Variants in LRRTM3 observed in about 807,000 individuals in gnomAD.
LRRTM3 encodes leucine rich repeat transmembrane neuronal 3, also known as leucine-rich repeat transmembrane neuronal protein 3.
Under a neutral mutation model 44.7 loss-of-function variants are expected in LRRTM3, and 24 were observed. The ratio of observed to expected loss-of-function variants is 0.54; its 90% confidence interval spans 0.39 to 0.76. LRRTM3 has a LOEUF of 0.76. Ranked by LOEUF, LRRTM3 falls within the 30% of genes least tolerant of loss-of-function variation. LRRTM3 has a pLI of 0.00. For missense variants in LRRTM3, 587 were observed against 702.2 expected (o/e 0.84, Z 1.85); for synonymous variants, 277 against 278.7 (o/e 0.99, Z 0.06).
In LRRTM3 at chr10:67,003,257, A is replaced by T. The variant is rs1851784900; in HGVS notation, c.1536+74805A>T. Among the ~76,000 whole-genome samples the T allele has an allele frequency of 2.6e-5, 4 of 152,184 alleles. No homozygotes were observed. The South Asian group carries it at 8.3e-4, about 32-fold the overall frequency. On this transcript the variant is annotated intron_variant, in intron 2 of 2. Transcript: ENST00000361320. ...TGGGGAATAAACGAAATTAATGTCC[A>T]TGACTTCCTGACCATTTTGGCCAAT...
intron 2 of LRRTM3, among the ~76,000 whole-genome samples, chr10:66,964,022 T>C (rs967095273): frequency 2.1e-5 from 3 of 145,682 alleles, no homozygotes; most frequent in African/African-American, 8.3e-5. Context: ...AATTTTCGTA[T>C]TTTTTTTTCA....
chr10:66,927,465 G>T lies in LRRTM3; in HGVS notation c.549G>T (p.Leu183=), dbSNP rs746052416. The change falls in exon 2 of 3, where the codon CTG becomes CTT. Residue 183 remains leucine (L), a synonymous_variant. Coordinates refer to ENST00000361320, the MANE Select transcript of LRRTM3 (RefSeq NM_178011.5). This position sits in a 1 kb window ranked among gnomAD's most constrained non-coding sequence, Gnocchi z 4.7. ...PVRIFQDCRN[L]ELLDLGYNRI... is the part of the protein sequence containing the mutation. The stretch of plus-strand genomic sequence containing the variant: ...GAATATTCCAAGACTGCCGCAACCT[G>T]GAACTTTTGGACCTGGGATATAACC... 2 of 1,614,092 alleles carry T rather than the reference G, an allele frequency of 1.2e-6. 1 individual carries two copies. The highest frequency in any genetic ancestry group is 2.2e-5 in the South Asian group (2 of 91,078).
intron 2 of LRRTM3, among the ~76,000 whole-genome samples, chr10:67,038,589 T>C (rs919347165): frequency 3.3e-5 from 5 of 152,108 alleles, no homozygotes; most frequent in South Asian, 4.1e-4. Context: ...GAAGAATACA[T>C]TAAATGTGCA....
At chr10:67,026,956 T>C (rs550318370) in intron 2 of LRRTM3, among the ~76,000 whole-genome samples, 1 of 152,364 alleles carries the variant, frequency 6.6e-6, no homozygotes, top group South Asian at 2.1e-4. Context: ...TTCTTTATTC[T>C]GTATAAGACA....
intron 2 of LRRTM3, among the ~76,000 whole-genome samples, chr10:67,083,278 G>A (rs2131885803): frequency 6.6e-6 from 1 of 152,118 alleles, no homozygotes; most frequent in Non-Finnish European, 1.5e-5. Flanking sequence ...AAGCCAAATA[G>A]CTGCCTTTTC....
chr10:67,058,915 G>A (rs534529691), intron 2 of LRRTM3, among the ~76,000 whole-genome samples: 257 of 152,196 alleles, frequency 1.7e-3, no homozygotes, highest in African/African-American at 5.9e-3. Flanking sequence ...CTAGGCAGGC[G>A]TCAAGGACAT....
chr10:67,065,095 A>G (rs532481557), intron 2 of LRRTM3, among the ~76,000 whole-genome samples: 4 of 152,298 alleles, frequency 2.6e-5, no homozygotes, highest in East Asian at 1.9e-4. Context: ...AGCAATGCCC[A>G]TGATCCTATG....
chr10:67,055,978 A>G (rs1855403268), intron 2 of LRRTM3, among the ~76,000 whole-genome samples: 1 of 152,144 alleles, frequency 6.6e-6, no homozygotes, highest in African/African-American at 2.4e-5. Flanking sequence ...TGAGCATAAT[A>G]CTGTACTCTT....
rs527993824 is a variant in LRRTM3, at chr10:67,101,146, A to G, written c.*3350A>G. ...TACAAGTTCGTTTGTGAATGTGCAGAACAGATGCTCCCAAGATGTGGATGC... is the reference window on the plus strand; with the variant it reads ...TACAAGTTCGTTTGTGAATGTGCAGGACAGATGCTCCCAAGATGTGGATGC... On this transcript the variant is annotated 3_prime_UTR_variant, in exon 3 of 3. Coordinates refer to ENST00000361320, the MANE Select transcript of LRRTM3 (RefSeq NM_178011.5). Among the ~76,000 whole-genome samples, 3 of 151,858 alleles carry G rather than the reference A, an allele frequency of 2.0e-5. No homozygotes were observed. The South Asian group carries it at 6.2e-4, about 31-fold the overall frequency.
At position 66,948,482 on chromosome 10, in the gene LRRTM3, T is replaced by C. The variant is rs143260751; in HGVS notation, c.1536+20030T>C. Among the ~76,000 whole-genome samples, 831 of 152,336 alleles carry C rather than the reference T, an allele frequency of 5.5e-3. 1 individual carries two copies. The highest frequency in any genetic ancestry group is 9.4e-3 in the Non-Finnish European group (638 of 68,032). ...TTACTACATGTGTTATGTGACACTTTGTGACAACTGACCGATTCTTATTTT... is the reference window on the plus strand; with the variant it reads ...TTACTACATGTGTTATGTGACACTTCGTGACAACTGACCGATTCTTATTTT... On this transcript the variant is annotated intron_variant, in intron 2 of 2. Coordinates refer to ENST00000361320, the MANE Select transcript of LRRTM3 (RefSeq NM_178011.5).
chr10:66,990,018 G>A (rs1394074763), intron 2 of LRRTM3, among the ~76,000 whole-genome samples: 2 of 152,144 alleles, frequency 1.3e-5, no homozygotes, highest in East Asian at 3.9e-4. Flanking sequence ...TATACGAAGA[G>A]AAATGCAATA....
rs182902225 is a variant in LRRTM3 at position 67,050,680 on chromosome 10, G to A, written c.1537-46907G>A. Among the ~76,000 whole-genome samples, 427 of 152,236 alleles carry A rather than the reference G, an allele frequency of 2.8e-3. 5 individuals carry two copies. The highest frequency in any genetic ancestry group is 8.4e-4 in the Non-Finnish European group (57 of 68,010). ...CCTGCATGGAATTTAAACTACTTTT[G>A]TAACAGCAAAAGGAATTTACTGACT... On this transcript the variant is annotated intron_variant, in intron 2 of 2. Coordinates refer to ENST00000361320, the MANE Select transcript of LRRTM3 (RefSeq NM_178011.5).
intron 2 of LRRTM3, among the ~76,000 whole-genome samples, chr10:67,080,002 G>A (rs1463737624): frequency 2.0e-5 from 3 of 152,050 alleles, no homozygotes; most frequent in Non-Finnish European, 4.4e-5. Flanking sequence ...GGTTGTACAA[G>A]GTTTTGGTTT....
chr10:66,985,541 T>G (rs1850680236), intron 2 of LRRTM3, among the ~76,000 whole-genome samples: 2 of 151,952 alleles, frequency 1.3e-5, no homozygotes, highest in Admixed American at 1.3e-4. Context: ...TTCCCATTGG[T>G]CAAACACAAC....
chr10:66,990,230 A>G (rs1164854909), intron 2 of LRRTM3, among the ~76,000 whole-genome samples: 1 of 152,148 alleles, frequency 6.6e-6, no homozygotes, highest in Admixed American at 6.6e-5. Flanking sequence ...AGGTGGGGCC[A>G]ATGTGTCCCA....
At chr10:67,068,493 G>T (rs1856230302) in intron 2 of LRRTM3, among the ~76,000 whole-genome samples, 2 of 152,130 alleles carry the variant, frequency 1.3e-5, no homozygotes, top group Non-Finnish European at 2.9e-5. Flanking sequence ...CTTAACAACA[G>T]GTGAATAGTG....
intron 2 of LRRTM3, among the ~76,000 whole-genome samples, chr10:67,048,104 G>A (rs981146972): frequency 3.9e-5 from 6 of 152,056 alleles, no homozygotes; most frequent in Non-Finnish European, 7.4e-5. Flanking sequence ...AATTTATTTT[G>A]TAAAAAGAAA....
rs939896994 is a variant in LRRTM3, at chr10:66,990,526, T to C, written c.1536+62074T>C. ...TTGTACATGGATGCCTAGAGAATTA[T>C]GGAAAAAACTAGAAATCATCTAGTT... On this transcript the variant is annotated intron_variant, in intron 2 of 2. Transcript: ENST00000361320. 3.9e-5 allele frequency among the ~76,000 whole-genome samples: 6 copies of C among 152,126 alleles called. No homozygotes were observed. In the East Asian group the frequency reaches 1.2e-3, roughly 29 times the overall value.
chr10:67,074,420 G>A (rs1281174753), intron 2 of LRRTM3, among the ~76,000 whole-genome samples: 5 of 131,018 alleles, frequency 3.8e-5, no homozygotes, highest in East Asian at 2.2e-4. Context: ...GCACGATCTC[G>A]GCTCACTGCA....
Sources: allele counts gnomAD v4.1 joint callset (sites outside exome capture counted in the v4.1 genomes callset), GRCh38; gene constraint gnomAD v4.1.1; non-coding constraint Gnocchi (gnomAD v3.1); transcripts MANE v1.5; gene names NCBI Gene and HGNC (gene_info 2026-07-23, HGNC 2026-07-21).